Variants in ZNF676 observed in about 807,000 individuals in gnomAD.
ZNF676 encodes the protein zinc finger protein 676.
ZNF676 carries 4 observed loss-of-function variants against 6.0 expected under a neutral mutation model. That is an observed-to-expected ratio of 0.67 (90% CI 0.33 to 1.53). The LOEUF is 1.53. Ranked by LOEUF, ZNF676 falls within the 40% of genes most tolerant of loss-of-function variation. ZNF676 has a pLI of 0.06. For missense variants in ZNF676, 644 were observed against 679.7 expected, an observed-to-expected ratio of 0.95 and a Z score of 0.58; for synonymous variants, 198 against 223.1, an observed-to-expected ratio of 0.89 and a Z score of 1.00.
At chr19:22,253,997 C>T in the ZNF676 span, among the ~76,000 whole-genome samples, 2 of 152,114 alleles carry the variant, frequency 1.3e-5, no homozygotes, top group Non-Finnish European at 2.9e-5. Context: ...CTTCTATTGG[C>T]TGGTTTGAGG....
intron 1 of ZNF676, among the ~76,000 whole-genome samples, chr19:22,214,560 T>C (rs369288337): frequency 1.1e-3 from 161 of 143,682 alleles, no homozygotes; most frequent in African/African-American, 3.3e-3. Context: ...GATGGCGCCA[T>C]TGCACTCCAG....
In ZNF676 at chr19:22,190,668, T is replaced by TAC. The variant is rs1555774119; in HGVS notation, c.130+2346_130+2347dup. Among the ~76,000 whole-genome samples the TAC allele has an allele frequency of 3.6e-3, 340 of 93,698 alleles. 3 individuals are homozygous for TAC. The highest frequency in any genetic ancestry group is 0.015 in the African/African-American group (327 of 21,122). The allele number at this position is 93,698 out of a possible 152,430, so 61.5% of individuals were successfully genotyped here. ...ATATATATATATATATATATATACA[T>TAC]ACACACTTTAAGATATATGGTCATA... On this transcript the variant is annotated intron_variant, in intron 2 of 2. Coordinates refer to ENST00000397121, the MANE Select transcript of ZNF676 (RefSeq NM_001001411.3).
chr19:22,218,729 C>A (rs1346833543), upstream of ZNF676, among the ~76,000 whole-genome samples: 2 of 152,076 alleles, frequency 1.3e-5, no homozygotes, highest in African/African-American at 4.8e-5. Context: ...TATTTCCCCA[C>A]TTCATATCTT....
chr19:22,221,718 T>G, the ZNF676 span, among the ~76,000 whole-genome samples: 1 of 150,714 alleles, frequency 6.6e-6, no homozygotes, highest in East Asian at 2.0e-4. Context: ...ACCATTGCAC[T>G]CCAGCCTTGG....
intron 2 of ZNF676, among the ~76,000 whole-genome samples, chr19:22,182,968 T>C (rs957734746): frequency 3.3e-5 from 5 of 152,090 alleles, no homozygotes; most frequent in Admixed American, 3.3e-4. Context: ...ATATACAACA[T>C]AAATAGATAA....
At chr19:22,222,242 C>T in the ZNF676 span, among the ~76,000 whole-genome samples, 1 of 152,050 alleles carries the variant, frequency 6.6e-6, no homozygotes, top group Non-Finnish European at 1.5e-5. Context: ...GTAGCTGGGA[C>T]TGCAGGCACC....
chr19:22,220,025 A>C (rs1333055966), upstream of ZNF676, among the ~76,000 whole-genome samples: 1 of 152,210 alleles, frequency 6.6e-6, no homozygotes, highest in African/African-American at 2.4e-5. Flanking sequence ...TTTTAATCAT[A>C]AAGTGATGCT....
Position 22,203,307 on chromosome 19 carries a change from T to C in ZNF676, c.4-6581A>G, listed in dbSNP as rs1233925897. 5.5e-4 allele frequency: 84 copies of C among 153,230 alleles called. 1 individual carries two copies. Among genetic ancestry groups the C allele is most frequent in the Non-Finnish European group, 1.5e-4 (10 of 68,252 alleles). The allele number at this position is 153,230 out of a possible 1,614,324, so 9.5% of individuals were successfully genotyped here. A position where few individuals can be genotyped will look rare whatever the true frequency, so the allele number is the denominator to read the frequency against. On this transcript the variant is annotated intron_variant, in intron 1 of 3. Transcript: ENST00000650058. ...CAGATAGAGATAGCTCTGAGAGTTCTCACTGTGACAGCCCACGTCTTTCAC... is the reference window on the plus strand; with the variant it reads ...CAGATAGAGATAGCTCTGAGAGTTCCCACTGTGACAGCCCACGTCTTTCAC...
intron 2 of ZNF676, among the ~76,000 whole-genome samples, chr19:22,191,962 G>A (rs1307635945): frequency 1.3e-5 from 2 of 152,166 alleles, no homozygotes; most frequent in Non-Finnish European, 2.9e-5. Flanking sequence ...TCTTAACACA[G>A]CACTTGAAGT....
At chr19:22,232,026 T>A in the ZNF676 span, among the ~76,000 whole-genome samples, 2 of 152,170 alleles carry the variant, frequency 1.3e-5, no homozygotes, top group East Asian at 3.9e-4. Context: ...ATAACAAATT[T>A]GTATATCTGT....
intron 1 of ZNF676, among the ~76,000 whole-genome samples, chr19:22,206,934 T>C (rs1477494240): frequency 1.3e-5 from 2 of 152,160 alleles, no homozygotes; most frequent in African/African-American, 4.8e-5. Flanking sequence ...TAGGCACTGA[T>C]GGTATACATG....
At chr19:22,230,600 A>G in the ZNF676 span, among the ~76,000 whole-genome samples, 1 of 151,182 alleles carries the variant, frequency 6.6e-6, no homozygotes, top group African/African-American at 2.4e-5. Context: ...ATGCATATAT[A>G]TGTGTATATA....
chr19:22,206,830 A>G (rs1361498280), intron 1 of ZNF676, among the ~76,000 whole-genome samples: 1 of 152,210 alleles, frequency 6.6e-6, no homozygotes, highest in Non-Finnish European at 1.5e-5. Flanking sequence ...ACATAAACAG[A>G]ATTAAAGACA....
the ZNF676 span, among the ~76,000 whole-genome samples, chr19:22,240,055 G>T: frequency 3.0e-3 from 450 of 152,338 alleles, 2 homozygotes; most frequent in African/African-American, 0.011. Context: ...AATCACTGCA[G>T]TGGGCAGGGC....
chr19:22,191,871 T>C (rs1176039859), intron 2 of ZNF676, among the ~76,000 whole-genome samples: 1 of 152,184 alleles, frequency 6.6e-6, no homozygotes, highest in Non-Finnish European at 1.5e-5. Context: ...GAAACCAGTT[T>C]ATAAAAATTT....
chr19:22,186,007 T>C (rs907720772), intron 2 of ZNF676, among the ~76,000 whole-genome samples: 24 of 151,980 alleles, frequency 1.6e-4, no homozygotes, highest in African/African-American at 4.6e-4. Context: ...CAGGCCAACA[T>C]TCAAATTCAG....
chr19:22,221,708 A>G, the ZNF676 span, among the ~76,000 whole-genome samples: 1 of 142,576 alleles, frequency 7.0e-6, no homozygotes. Context: ...CTGAGATTGC[A>G]CCATTGCACT....
the ZNF676 span, among the ~76,000 whole-genome samples, chr19:22,240,598 A>C: frequency 2.6e-5 from 4 of 152,104 alleles, no homozygotes; most frequent in Admixed American, 1.3e-4. Context: ...GTTCAAGACC[A>C]GCCTGACCAA....
the ZNF676 span, among the ~76,000 whole-genome samples, chr19:22,254,847 T>A: frequency 1.3e-5 from 2 of 152,092 alleles, no homozygotes; most frequent in African/African-American, 4.8e-5. Flanking sequence ...AAGGCAAAAG[T>A]GTAGTCTCAC....
Sources: allele counts gnomAD v4.1 joint callset (sites outside exome capture counted in the v4.1 genomes callset), GRCh38; gene constraint gnomAD v4.1.1; transcripts MANE v1.5; gene names NCBI Gene and HGNC (gene_info 2026-07-23, HGNC 2026-07-21).